MAGI2: variants seen among roughly 807,000 people sequenced by gnomAD.
MAGI2 encodes membrane-associated guanylate kinase, WW and PDZ domain-containing protein 2.
Under a neutral mutation model 133.3 loss-of-function variants are expected in MAGI2, and 35 were observed. The observed-to-expected ratio is 0.26, with a 90% CI of 0.20 to 0.35. The LOEUF is 0.35. Among genes scored for constraint, MAGI2 ranks in the 10% least tolerant of loss-of-function variants. The pLI is 1.00. For missense variants in MAGI2, 1,636 were observed against 1,863.4 expected (o/e 0.88, Z 2.25); for synonymous variants, 729 against 710.6 (o/e 1.03, Z -0.41).
At chr7:78,224,183 ACAG>A (rs1165307278) in intron 10 of MAGI2, among the ~76,000 whole-genome samples, 2 of 152,200 alleles carry the variant, frequency 1.3e-5, no homozygotes, top group African/African-American at 4.8e-5. Context: ...GAATTGGAGT[ACAG>A]GAGCAATGAA....
At chr7:79,055,795 A>ATTC (rs2117026299) in intron 1 of MAGI2, among the ~76,000 whole-genome samples, 1 of 152,268 alleles carries the variant, frequency 6.6e-6, no homozygotes, top group East Asian at 1.9e-4. Context: ...TCCACTACAT[A>ATTC]TTCTTCTGTT....
At chr7:78,081,348 T>C (rs1404285531) in intron 20 of MAGI2, among the ~76,000 whole-genome samples, 1 of 152,198 alleles carries the variant, frequency 6.6e-6, no homozygotes, top group Admixed American at 6.5e-5. Flanking sequence ...AGAGAAATGG[T>C]ATCATTTCTA....
intron 1 of MAGI2, among the ~76,000 whole-genome samples, chr7:79,183,244 G>A (rs900861682): frequency 6.6e-6 from 1 of 151,786 alleles, no homozygotes; most frequent in African/African-American, 2.4e-5. Context: ...TTAGGTGATG[G>A]AGTATTACAA....
chr7:78,033,597 C>A (rs1252595829), intron 21 of MAGI2, among the ~76,000 whole-genome samples: 1 of 152,038 alleles, frequency 6.6e-6, no homozygotes, highest in Admixed American at 6.6e-5. Flanking sequence ...GGTACTATTT[C>A]AAATTTCTAG....
intron 7 of MAGI2, among the ~76,000 whole-genome samples, chr7:78,366,700 GT>G (rs1388163146): frequency 1.3e-5 from 2 of 152,152 alleles, no homozygotes; most frequent in Non-Finnish European, 1.5e-5. Context: ...TGTTTATGAA[GT>G]TTTTCAAGAA....
chr7:79,330,530 G>C (rs555643426), intron 1 of MAGI2, among the ~76,000 whole-genome samples: 10 of 152,196 alleles, frequency 6.6e-5, no homozygotes, highest in African/African-American at 1.4e-4. Flanking sequence ...TTAAAAGAGA[G>C]AGTCACTTTA....
Position 78,178,114 on chromosome 7 carries a change from G to A in MAGI2, c.2312-12C>T, listed in dbSNP as rs749657317. 1.0e-5 allele frequency: 16 copies of A among 1,556,592 alleles called. 1 individual carries two copies. Among genetic ancestry groups the A allele is most frequent in the Middle Eastern group, 3.4e-4 (2 of 5,970 alleles). The stretch of plus-strand genomic sequence containing the variant: ...CTTATAATCTGGACCTGGCATAAAG[G>A]AGATCCCATTGAGTAATGAATCCTG... On this transcript the variant is annotated splice_polypyrimidine_tract_variant and intron_variant, in intron 13 of 21. Transcript: ENST00000354212.
chr7:79,262,145 A>G (rs1458271465), intron 1 of MAGI2, among the ~76,000 whole-genome samples: 1 of 152,068 alleles, frequency 6.6e-6, no homozygotes, highest in African/African-American at 2.4e-5. Flanking sequence ...AGATTCCCAA[A>G]CCTTTCTTTA....
chr7:79,284,288 C>T (rs1171110626), intron 1 of MAGI2, among the ~76,000 whole-genome samples: 1 of 152,018 alleles, frequency 6.6e-6, no homozygotes, highest in African/African-American at 2.4e-5. Context: ...TCTTCAGAGC[C>T]CAACTCATTC....
intron 1 of MAGI2, among the ~76,000 whole-genome samples, chr7:79,409,442 T>C (rs1846013615): frequency 1.3e-5 from 2 of 151,638 alleles, no homozygotes; most frequent in African/African-American, 4.8e-5. Context: ...AATACCTTTT[T>C]TGACTTAACA....
intron 1 of MAGI2, among the ~76,000 whole-genome samples, chr7:79,280,504 A>C (rs1488190153): frequency 2.0e-5 from 3 of 152,182 alleles, no homozygotes; most frequent in African/African-American, 7.2e-5. Flanking sequence ...TCCATGTAGC[A>C]TGTATTGGAA....
chr7:79,030,511 T>C (rs957936853), intron 1 of MAGI2, among the ~76,000 whole-genome samples: 19 of 152,180 alleles, frequency 1.2e-4, no homozygotes, highest in African/African-American at 3.6e-4. Flanking sequence ...GTTTTTGTTT[T>C]TGTTTGTTCC....
intron 21 of MAGI2, among the ~76,000 whole-genome samples, chr7:78,074,907 A>G (rs1222755043): frequency 6.6e-6 from 1 of 152,224 alleles, no homozygotes; most frequent in Non-Finnish European, 1.5e-5. Flanking sequence ...TTAACAGAGC[A>G]GGCCTGAGAC....
At chr7:79,292,692 C>A (rs1335148059) in intron 1 of MAGI2, among the ~76,000 whole-genome samples, 2 of 134,930 alleles carry the variant, frequency 1.5e-5, no homozygotes, top group Non-Finnish European at 3.1e-5. Flanking sequence ...TATCTTTGTT[C>A]TTTTTCAGGA....
chr7:79,348,064 T>A (rs1841447982), intron 1 of MAGI2, among the ~76,000 whole-genome samples: 1 of 151,918 alleles, frequency 6.6e-6, no homozygotes, highest in Non-Finnish European at 1.5e-5. Context: ...TATATTAAGA[T>A]ATTGCATTTG....
chr7:78,875,413 C>T (rs1489316209), intron 2 of MAGI2, among the ~76,000 whole-genome samples: 1 of 152,094 alleles, frequency 6.6e-6, no homozygotes, highest in African/African-American at 2.4e-5. Context: ...CATATAAACC[C>T]CGTCCATATC....
intron 7 of MAGI2, among the ~76,000 whole-genome samples, chr7:78,354,943 G>A (rs1791909891): frequency 6.6e-6 from 1 of 152,078 alleles, no homozygotes. Context: ...GAAGAGGTAT[G>A]GAGAAAAAGT....
At chr7:78,076,417 C>T (rs1319406740) in intron 21 of MAGI2, among the ~76,000 whole-genome samples, 1 of 148,066 alleles carries the variant, frequency 6.8e-6, no homozygotes, top group Non-Finnish European at 1.5e-5. Flanking sequence ...CAAGATCACA[C>T]CACTCCACTC....
At chr7:79,239,271 C>T (rs887768324) in intron 1 of MAGI2, among the ~76,000 whole-genome samples, 14 of 152,122 alleles carry the variant, frequency 9.2e-5, no homozygotes, top group African/African-American at 2.9e-4. Flanking sequence ...ATTTGACAAA[C>T]TTGTAACTAT....
Sources: gnomAD v4.1 joint callset for allele counts (sites outside exome capture counted in the v4.1 genomes callset) on GRCh38, gnomAD v4.1.1 for gene constraint, MANE v1.5 for transcripts, NCBI Gene and HGNC (gene_info 2026-07-23, HGNC 2026-07-21) for gene names.